Variants in COX7B2 observed in about 807,000 individuals in gnomAD.
The protein encoded by COX7B2 is cytochrome c oxidase subunit 7B2, mitochondrial.
For missense variants in COX7B2, 109 were observed against 95.9 expected, an observed-to-expected ratio of 1.14 and a Z score of -0.57; for synonymous variants, 37 against 32.1, an observed-to-expected ratio of 1.15 and a Z score of -0.51.
chr4:46,819,720 T>C (rs1714141427), intron 2 of COX7B2, among the ~76,000 whole-genome samples: 1 of 152,202 alleles, frequency 6.6e-6, no homozygotes, highest in Non-Finnish European at 1.5e-5. Flanking sequence ...CAGTATATAA[T>C]TCTACTTATT....
chr4:46,791,147 C>A (rs1303799851), intron 2 of COX7B2, among the ~76,000 whole-genome samples: 1 of 151,882 alleles, frequency 6.6e-6, no homozygotes, highest in Non-Finnish European at 1.5e-5. Context: ...TACAGGCGCC[C>A]GCCACCACAT....
chr4:46,750,420 G>A (rs1715297887), intron 2 of COX7B2, among the ~76,000 whole-genome samples: 2 of 151,590 alleles, frequency 1.3e-5, no homozygotes, highest in East Asian at 1.9e-4. Context: ...AAATAAATGA[G>A]AATTTCTTTT....
chr4:46,770,252 C>A (rs1716797672), intron 2 of COX7B2, among the ~76,000 whole-genome samples: 1 of 151,938 alleles, frequency 6.6e-6, no homozygotes, highest in South Asian at 2.1e-4. Flanking sequence ...ACAATAGCAT[C>A]AAAAATAAAT....
chr4:46,886,057 G>A (rs1009471661), intron 1 of COX7B2, among the ~76,000 whole-genome samples: 37 of 152,250 alleles, frequency 2.4e-4, no homozygotes, highest in African/African-American at 7.0e-4. Flanking sequence ...GATTTGGGAA[G>A]AAAAGAAGGC....
At chr4:46,842,354 C>T (rs966968608) in intron 2 of COX7B2, among the ~76,000 whole-genome samples, 1 of 151,890 alleles carries the variant, frequency 6.6e-6, no homozygotes, top group African/African-American at 2.4e-5. Context: ...CATGAATAAG[C>T]ATGATTAAAT....
chr4:46,782,216 G>A (rs1313395598), intron 2 of COX7B2, among the ~76,000 whole-genome samples: 1 of 152,118 alleles, frequency 6.6e-6, no homozygotes, highest in Non-Finnish European at 1.5e-5. Flanking sequence ...GTTTGTGGAT[G>A]CACCAATCAG....
intron 2 of COX7B2, among the ~76,000 whole-genome samples, chr4:46,838,652 T>A (rs1352137273): frequency 6.6e-6 from 1 of 151,996 alleles, no homozygotes; most frequent in African/African-American, 2.4e-5. Flanking sequence ...TTCTCTCAAG[T>A]GGGTGGTGTT....
chr4:46,758,269 T>A (rs1164733563), intron 2 of COX7B2, among the ~76,000 whole-genome samples: 6 of 151,666 alleles, frequency 4.0e-5, no homozygotes, highest in Non-Finnish European at 8.8e-5. Flanking sequence ...TCTAATGAGG[T>A]ATAGAGCTAA....
At chr4:46,842,128 T>C (rs896487718) in intron 2 of COX7B2, among the ~76,000 whole-genome samples, 2 of 152,036 alleles carry the variant, frequency 1.3e-5, no homozygotes, top group African/African-American at 4.8e-5. Context: ...TCACTGCTAT[T>C]ATCAGCTCAA....
intron 1 of COX7B2, among the ~76,000 whole-genome samples, chr4:46,857,815 A>T (rs1717088455): frequency 6.6e-6 from 1 of 152,236 alleles, no homozygotes; most frequent in African/African-American, 2.4e-5. Context: ...AAAGACCTGA[A>T]AAACTAACCC....
At chr4:46,806,619 A>G (rs1208619671) in intron 2 of COX7B2, among the ~76,000 whole-genome samples, 1 of 152,092 alleles carries the variant, frequency 6.6e-6, no homozygotes, top group East Asian at 1.9e-4. Flanking sequence ...TATGCTGCAC[A>G]TTAGATATCT....
chr4:46,869,068 T>C (rs544709999), intron 1 of COX7B2, among the ~76,000 whole-genome samples: 25 of 152,330 alleles, frequency 1.6e-4, no homozygotes, highest in African/African-American at 5.1e-4. Context: ...GTTGGGTGCA[T>C]ACATATTTAG....
intron 2 of COX7B2, among the ~76,000 whole-genome samples, chr4:46,748,762 T>A (rs1227886422): frequency 6.6e-6 from 1 of 152,178 alleles, no homozygotes; most frequent in African/African-American, 2.4e-5. Flanking sequence ...CTATTTCTTC[T>A]TTACAAACTC....
intron 1 of COX7B2, among the ~76,000 whole-genome samples, chr4:46,858,464 A>C (rs1322753509): frequency 6.6e-6 from 1 of 152,156 alleles, no homozygotes; most frequent in African/African-American, 2.4e-5. Context: ...GCCGTTTTTC[A>C]TTCATGAAAA....
chr4:46,871,361 C>T (rs551568507), intron 1 of COX7B2, among the ~76,000 whole-genome samples: 28 of 152,034 alleles, frequency 1.8e-4, no homozygotes, highest in African/African-American at 6.5e-4. Flanking sequence ...TTAAATTAAA[C>T]GTAAAACCCA....
intron 2 of COX7B2, among the ~76,000 whole-genome samples, chr4:46,805,999 C>T (rs1718976889): frequency 6.6e-6 from 1 of 152,116 alleles, no homozygotes; most frequent in Admixed American, 6.5e-5. Flanking sequence ...AGAATGTAAG[C>T]TTAATTAATA....
intron 1 of COX7B2, among the ~76,000 whole-genome samples, chr4:46,900,355 G>C (rs1720006679): frequency 6.6e-6 from 1 of 152,152 alleles, no homozygotes; most frequent in South Asian, 2.1e-4. Flanking sequence ...TGCAGAAAGA[G>C]AGGTGGACAG....
intron 2 of COX7B2, among the ~76,000 whole-genome samples, chr4:46,817,183 T>C (rs767003816): frequency 3.3e-5 from 5 of 152,238 alleles, no homozygotes; most frequent in Non-Finnish European, 7.3e-5. Flanking sequence ...TTTATCTTGG[T>C]TGAACTGTGT....
chr4:46,763,019 T>C (rs2109482712), intron 2 of COX7B2, among the ~76,000 whole-genome samples: 2 of 124,654 alleles, frequency 1.6e-5, no homozygotes, highest in African/African-American at 6.0e-5. Flanking sequence ...AATTATAATA[T>C]ATAATATAAT....
Sources: allele counts gnomAD v4.1 joint callset (sites outside exome capture counted in the v4.1 genomes callset), GRCh38; gene constraint gnomAD v4.1.1; transcripts MANE v1.5; gene names NCBI Gene and HGNC (gene_info 2026-07-23, HGNC 2026-07-21).